LRRC28: variants seen among roughly 807,000 people sequenced by gnomAD.
The protein encoded by LRRC28 is leucine rich repeat containing 28.
LRRC28 carries 39 observed loss-of-function variants against 45.7 expected under a neutral mutation model. That is an observed-to-expected ratio of 0.85 (90% CI 0.66 to 1.12). The LOEUF (loss-of-function observed/expected upper bound fraction) is 1.12. Ranked by LOEUF, LRRC28 falls within the 50% of genes most tolerant of loss-of-function variation. The pLI is 0.00. For missense variants in LRRC28, 435 were observed against 438.5 expected (o/e 0.99, Z 0.07); for synonymous variants, 206 against 178.8 (o/e 1.15, Z -1.22).
intron 5 of LRRC28, among the ~76,000 whole-genome samples, chr15:99,293,152 A>C (rs1003010191): frequency 1.3e-5 from 2 of 152,140 alleles, no homozygotes; most frequent in Admixed American, 6.5e-5. Context: ...TTTCATACAA[A>C]TTACATGCAT....
At chr15:99,340,969 T>G (rs1051351797) in intron 6 of LRRC28, among the ~76,000 whole-genome samples, 14 of 152,176 alleles carry the variant, frequency 9.2e-5, no homozygotes, top group Non-Finnish European at 7.4e-5. Flanking sequence ...GCAAATTTTG[T>G]CAAGGAAATG....
chr15:99,304,112 T>A (rs1955089626), intron 5 of LRRC28, among the ~76,000 whole-genome samples: 1 of 152,178 alleles, frequency 6.6e-6, no homozygotes, highest in Admixed American at 6.5e-5. Flanking sequence ...TAAATAAAGT[T>A]TTTTTGGAAT....
intron 5 of LRRC28, among the ~76,000 whole-genome samples, chr15:99,329,235 A>C (rs890902799): frequency 4.6e-5 from 7 of 152,252 alleles, no homozygotes; most frequent in African/African-American, 1.7e-4. Flanking sequence ...GTGAATACAG[A>C]AAATCACTTA....
chr15:99,364,232 G>T (rs941955883), intron 9 of LRRC28, among the ~76,000 whole-genome samples: 5 of 152,176 alleles, frequency 3.3e-5, no homozygotes, highest in Non-Finnish European at 7.3e-5. Flanking sequence ...TCAAAATGGG[G>T]ATACAACAGC....
rs562209733 is a variant in LRRC28 at position 99,338,603 on chromosome 15, A to G, written c.592+4474A>G. 5.3e-5 allele frequency: 8 copies of G among 152,326 alleles called. No individual in the cohort carries two copies. The South Asian group carries it at 1.0e-3, about 20-fold the overall frequency. The allele number at this position is 152,326 out of a possible 1,614,324, so 9.4% of individuals were successfully genotyped here. A position where few individuals can be genotyped will look rare whatever the true frequency, so the allele number is the denominator to read the frequency against. Reference sequence around the variant, plus strand: ...AATGAATGCTGTGATATCGCTCCCTATGATGGGAGGTGGGAATCTTACTTT... The same window carrying G: ...AATGAATGCTGTGATATCGCTCCCTGTGATGGGAGGTGGGAATCTTACTTT... On this transcript the variant is annotated intron_variant, in intron 6 of 9. Coordinates refer to ENST00000301981, the MANE Select transcript of LRRC28 (RefSeq NM_144598.5).
intron 5 of LRRC28, among the ~76,000 whole-genome samples, chr15:99,312,464 A>G (rs1955449039): frequency 6.6e-6 from 1 of 152,222 alleles, no homozygotes; most frequent in Non-Finnish European, 1.5e-5. Context: ...CGCCTATGAT[A>G]ACAATGCTTT....
chr15:99,251,901 T>A (rs2080812308), intron 1 of LRRC28: 1 of 152,268 alleles, frequency 6.6e-6, no homozygotes, highest in African/African-American at 2.4e-5. Flanking sequence ...CTTTTACAAA[T>A]GCTTTTAATA....
intron 6 of LRRC28, among the ~76,000 whole-genome samples, chr15:99,350,106 G>T (rs1055327608): frequency 6.9e-6 from 1 of 144,934 alleles, no homozygotes; most frequent in East Asian, 2.0e-4. Flanking sequence ...ACTGCAGTCC[G>T]CAGTCCGGCC....
intron 5 of LRRC28, among the ~76,000 whole-genome samples, chr15:99,305,036 G>A (rs1224540434): frequency 6.6e-6 from 1 of 152,144 alleles, no homozygotes; most frequent in African/African-American, 2.4e-5. Flanking sequence ...GTGCATCACT[G>A]ATGGCCAGAT....
chr15:99,288,022 G>A, intron 5 of LRRC28, 71 bp downstream of exon 5: 1 of 1,395,168 alleles, frequency 7.2e-7, no homozygotes, highest in African/African-American at 1.5e-5. Context: ...CTCACTCTAT[G>A]TCTAGGCAAT....
chr15:99,252,563 C>A (rs953125394), intron 1 of LRRC28, among the ~76,000 whole-genome samples: 2 of 152,202 alleles, frequency 1.3e-5, no homozygotes, highest in Non-Finnish European at 1.5e-5. Flanking sequence ...GGAACTATGG[C>A]ATGTTACCCT....
chr15:99,377,144 A>C (rs1957664585), intron 9 of LRRC28, among the ~76,000 whole-genome samples: 1 of 151,888 alleles, frequency 6.6e-6, no homozygotes, highest in African/African-American at 2.4e-5. Flanking sequence ...TGGTTGAACT[A>C]GTTTACAGTC....
chr15:99,372,171 A>C (rs924063960), intron 9 of LRRC28, among the ~76,000 whole-genome samples: 3 of 152,194 alleles, frequency 2.0e-5, no homozygotes, highest in Non-Finnish European at 4.4e-5. Context: ...CAGGAAACAT[A>C]TTTGCAGAAA....
intron 9 of LRRC28, among the ~76,000 whole-genome samples, chr15:99,380,613 A>G (rs1379659934): frequency 1.3e-5 from 2 of 152,166 alleles, no homozygotes; most frequent in East Asian, 3.8e-4. Context: ...TAGTTGATGC[A>G]GTTTCTTCCT....
intron 5 of LRRC28, among the ~76,000 whole-genome samples, chr15:99,324,577 A>G (rs1023467384): frequency 1.3e-5 from 2 of 152,192 alleles, no homozygotes; most frequent in African/African-American, 2.4e-5. Context: ...GCACAGAACT[A>G]TGATTTAAAG....
chr15:99,259,987 A>G, intron 2 of LRRC28: 1 of 632,546 alleles, frequency 1.6e-6, no homozygotes, highest in South Asian at 1.7e-5. Context: ...AAGAAACAGC[A>G]AAGGAATCTA....
chr15:99,371,771 A>T (rs920192244), intron 9 of LRRC28, among the ~76,000 whole-genome samples: 2 of 152,204 alleles, frequency 1.3e-5, no homozygotes, highest in African/African-American at 4.8e-5. Flanking sequence ...AATTGTTCTT[A>T]GCTGTTTCTT....
chr15:99,382,404 C>G (rs939039832), intron 9 of LRRC28, among the ~76,000 whole-genome samples: 4 of 152,242 alleles, frequency 2.6e-5, no homozygotes, highest in African/African-American at 9.6e-5. Flanking sequence ...TTCTGCATCT[C>G]TCACACTGGG....
At chr15:99,288,528 C>T (rs571659265) in intron 5 of LRRC28, among the ~76,000 whole-genome samples, 20 of 151,926 alleles carry the variant, frequency 1.3e-4, no homozygotes, top group South Asian at 1.0e-3. Flanking sequence ...ATTACAGGCG[C>T]GTGCCACCAC....
Sources: gnomAD v4.1 joint callset for allele counts (sites outside exome capture counted in the v4.1 genomes callset) on GRCh38, gnomAD v4.1.1 for gene constraint, MANE v1.5 for transcripts, NCBI Gene and HGNC (gene_info 2026-07-23, HGNC 2026-07-21) for gene names.